RARA: variants seen among roughly 807,000 people sequenced by gnomAD.
RARA encodes the protein retinoic acid receptor alpha, also known as PML-DDX5-RARA fusion.
Under a neutral mutation model 42.8 loss-of-function variants are expected in RARA, and 5 were observed. The ratio of observed to expected loss-of-function variants is 0.12; its 90% CI spans 0.06 to 0.25. The LOEUF is 0.25. Among genes scored for constraint, RARA ranks in the 10% least tolerant of loss-of-function variants. The pLI is 1.00. For synonymous variants in RARA, 256 were observed against 259.5 expected (o/e 0.99, Z 0.13); for missense variants, 402 against 628.7 (o/e 0.64, Z 3.86).
Position 40,315,157 on chromosome 17 carries a change from TATATATATATATATACACAC to T in RARA, c.-363+5873_-363+5892del, listed in dbSNP as rs2033180012. 2.3e-5 allele frequency among the ~76,000 whole-genome samples: 3 copies of T among 128,732 alleles called. 1 individual carries two copies. The highest frequency in any genetic ancestry group is 1.0e-4 in the African/African-American group (3 of 29,704). The allele number at this position is 128,732 out of a possible 152,430, so 84.5% of individuals were successfully genotyped here. ...GTATATATATATATATATATATATA[TATATATATATATATACACAC>T]ACACACACACACACACACGTATATA... On this transcript the variant is annotated intron_variant, in intron 1 of 8. Coordinates refer to ENST00000254066, the MANE Select transcript of RARA (RefSeq NM_000964.4).
At position 40,355,282 on chromosome 17, in the gene RARA, G is replaced by T; in HGVS notation, c.1032G>T (p.Gln344His). ...CCTCAGACCGCCAGGACCTGGAGCA[G>T]CCGGACCGGGTGGACATGCTGCAGG... ...LICGDRQDLE[Q>H]PDRVDMLQEP... The change falls in exon 8 of 9, where the codon CAG becomes CAT. Residue 344 changes from glutamine to histidine, a missense_variant. Gln to His is a conservative substitution (Grantham distance 24, BLOSUM62 0). Coordinates refer to ENST00000254066, the MANE Select transcript of RARA (RefSeq NM_000964.4). The surrounding 1 kb of genome is among the most constrained non-coding windows in gnomAD (Gnocchi z 4.1). The T allele has an allele frequency of 1.3e-6, 2 of 1,586,100 alleles. No homozygotes were observed. Among genetic ancestry groups the T allele is most frequent in the Middle Eastern group, 3.3e-4 (2 of 5,984 alleles).
In RARA at chr17:40,330,872, C is replaced by A. The variant is rs1359376325; in HGVS notation, c.-347C>A. 7 of 288,638 alleles carry A rather than the reference C, an allele frequency of 2.4e-5. No individual in the cohort carries two copies. The highest frequency in any genetic ancestry group is 4.5e-5 in the Non-Finnish European group (7 of 154,006). 17.9% of individuals were successfully genotyped at this position (288,638 alleles called of 1,614,324 possible). A position where few individuals can be genotyped will look rare whatever the true frequency, so the allele number is the denominator to read the frequency against. ...TTTTCTGCAGCATCACAGGACATGG[C>A]CCCCTCAGCCACCTAGCTGGGGCCC... On this transcript the variant is annotated 5_prime_UTR_variant, in exon 2 of 9. Transcript: ENST00000254066.
intron 1 of RARA, among the ~76,000 whole-genome samples, chr17:40,311,889 G>C (rs1353930125): frequency 6.6e-6 from 1 of 152,208 alleles, no homozygotes; most frequent in Non-Finnish European, 1.5e-5. Flanking sequence ...CTCAGCTTGG[G>C]GGCAGCACAT....
chr17:40,341,657 C>T, intron 2 of RARA: 1 of 1,344,928 alleles, frequency 7.4e-7, no homozygotes, highest in Non-Finnish European at 9.5e-7. Context: ...CAGGCGAGTT[C>T]AGCGAGAGTT....
Position 40,341,972 on chromosome 17 carries a change from C to T in RARA, c.179-6344C>T, listed in dbSNP as rs375617708. On this transcript the variant is annotated intron_variant, in intron 2 of 8. Transcript: ENST00000254066. ...CTTCCTGCTTCTCTCCTCTCCTCCCCCTTCCCAGGCTGCCCCCACTTGCCT... is the reference window on the plus strand; with the variant it reads ...CTTCCTGCTTCTCTCCTCTCCTCCCTCTTCCCAGGCTGCCCCCACTTGCCT... 3.8e-5 allele frequency: 43 copies of T among 1,126,848 alleles called. No homozygotes were observed. The African/African-American group carries it at 6.9e-4, about 18-fold the overall frequency. The allele number at this position is 1,126,848 out of a possible 1,614,324, so 69.8% of individuals were successfully genotyped here. A position where few individuals can be genotyped will look rare whatever the true frequency, so the allele number is the denominator to read the frequency against.
At chr17:40,332,247 T>C (rs1317143402) in intron 2 of RARA, among the ~76,000 whole-genome samples, 4 of 151,794 alleles carry the variant, frequency 2.6e-5, no homozygotes, top group African/African-American at 9.7e-5. Flanking sequence ...AGGCCAGGGC[T>C]GGGGGGAGGA....
intron 2 of RARA, chr17:40,342,691 C>T: frequency 6.2e-7 from 1 of 1,606,538 alleles, no homozygotes; most frequent in Non-Finnish European, 8.5e-7. Flanking sequence ...GACCTCTTGC[C>T]TTCGAGGGGA....
In RARA at chr17:40,316,069, C is replaced by T. The variant is rs562480923; in HGVS notation, c.-363+6783C>T. Among the ~76,000 whole-genome samples, 116 of 152,362 alleles carry T rather than the reference C, an allele frequency of 7.6e-4. 1 individual carries two copies. The highest frequency in any genetic ancestry group is 2.5e-3 in the African/African-American group (102 of 41,580). Reference sequence around the variant, plus strand: ...CTGCAGATTGAAGACTCCTGGTCCCCCACCTGGGGACCTCTCCTGCCTTCT... The same window carrying T: ...CTGCAGATTGAAGACTCCTGGTCCCTCACCTGGGGACCTCTCCTGCCTTCT... On this transcript the variant is annotated intron_variant, in intron 1 of 8. Transcript: ENST00000254066.
intron 1 of RARA, 86 bp from the exon 2 acceptor site, chr17:40,330,771 C>T (rs1310412379): frequency 9.4e-6 from 2 of 211,870 alleles, no homozygotes; most frequent in East Asian, 7.1e-5. Flanking sequence ...GGAAAATCTC[C>T]GGCAGCCCAG....
intron 1 of RARA, among the ~76,000 whole-genome samples, chr17:40,310,494 G>A (rs960626813): frequency 6.6e-6 from 1 of 152,118 alleles, no homozygotes; most frequent in Non-Finnish European, 1.5e-5. Context: ...TGGTAGCTCT[G>A]TCTAGGTGTG....
chr17:40,318,685 C>A (rs933519989), intron 1 of RARA, among the ~76,000 whole-genome samples: 2 of 152,260 alleles, frequency 1.3e-5, no homozygotes, highest in Non-Finnish European at 2.9e-5. Context: ...CTGGGGCCGT[C>A]TGCTGCGCGT....
rs1271635313 is a variant in RARA, at chr17:40,330,909, G to A, written c.-310G>A. On this transcript the variant is annotated 5_prime_UTR_variant, in exon 2 of 9. Coordinates refer to ENST00000254066, the MANE Select transcript of RARA (RefSeq NM_000964.4). ...CCTAGCTGGGGCCCATCTAGGAGTG[G>A]CATCTTTTTTGGTGCCCTGAAGGCC... 2 of 339,994 alleles carry A rather than the reference G, an allele frequency of 5.9e-6. No individual in the cohort carries two copies. Among genetic ancestry groups the A allele is most frequent in the Non-Finnish European group, 1.1e-5 (2 of 186,442 alleles). The allele number at this position is 339,994 out of a possible 1,614,324, so 21.1% of individuals were successfully genotyped here. A position where few individuals can be genotyped will look rare whatever the true frequency, so the allele number is the denominator to read the frequency against.
chr17:40,343,334 C>T (rs922297260), intron 2 of RARA, among the ~76,000 whole-genome samples: 3 of 152,212 alleles, frequency 2.0e-5, no homozygotes, highest in African/African-American at 7.2e-5. Context: ...ACAGCTGCTG[C>T]CCCCAGCCCT....
chr17:40,321,760 CTG>C (rs2033389124), intron 1 of RARA, among the ~76,000 whole-genome samples: 1 of 152,248 alleles, frequency 6.6e-6, no homozygotes, highest in Admixed American at 6.5e-5. Context: ...AGCCCTATAA[CTG>C]GAGCTTGCTA....
At chr17:40,342,718 T>C (rs571464666) in intron 2 of RARA, 1 of 1,612,046 alleles carries the variant, frequency 6.2e-7, no homozygotes, top group South Asian at 1.1e-5. Flanking sequence ...TACGAGAGTG[T>C]AGAAGTGGGG....
intron 2 of RARA, among the ~76,000 whole-genome samples, chr17:40,339,262 C>T (rs1241270771): frequency 1.3e-5 from 2 of 152,178 alleles, no homozygotes; most frequent in Non-Finnish European, 2.9e-5. Flanking sequence ...TTTGTTGTCC[C>T]CTCCAGATGG....
In RARA at chr17:40,355,375, C is replaced by T; in HGVS notation, c.1125C>T (p.Pro375=). The change falls in exon 8 of 9, where the codon CCC becomes CCT. Residue 375 remains proline, a synonymous_variant. Transcript: ENST00000254066. The surrounding 1 kb of genome is among the most constrained non-coding windows in gnomAD (Gnocchi z 4.1). ...GGCCCAGCCGCCCCCACATGTTCCC[C>T]AAGATGCTAATGAAGATTACTGACC... The part of the protein sequence containing the change: ...KRRPSRPHMF[P]KMLMKITDLR... The T allele has an allele frequency of 6.2e-7, 1 of 1,614,006 alleles. No homozygotes were observed. Among genetic ancestry groups the T allele is most frequent in the Non-Finnish European group, 8.5e-7 (1 of 1,179,966 alleles).
At chr17:40,348,902 C>CT (rs1169195834) in intron 3 of RARA, 1 of 159,458 alleles carries the variant, frequency 6.3e-6, no homozygotes, top group African/African-American at 2.4e-5. Context: ...GGTGCCCGGG[C>CT]TGTGGGCTCC....
intron 1 of RARA, chr17:40,318,258 G>C (rs961842666): frequency 6.6e-6 from 1 of 152,324 alleles, no homozygotes; most frequent in Admixed American, 6.5e-5. Context: ...CTGGGGCTCC[G>C]GGTAAAGTTT....
Sources: allele counts gnomAD v4.1 joint callset (sites outside exome capture counted in the v4.1 genomes callset), GRCh38; gene constraint gnomAD v4.1.1; non-coding constraint Gnocchi (gnomAD v3.1); transcripts MANE v1.5; gene names NCBI Gene and HGNC (gene_info 2026-07-23, HGNC 2026-07-21).